The following MKLN1 variants were observed in gnomAD, a reference collection of about 807,000 sequenced individuals.
MKLN1 encodes muskelin.
In MKLN1, 18 loss-of-function variants were observed where a neutral mutation model predicts 99.0. That is an observed-to-expected ratio of 0.18 (90% CI 0.13 to 0.27). The LOEUF (loss-of-function observed/expected upper bound fraction) is 0.27, where lower values mean the gene tolerates loss of function less well. Among genes scored for constraint, MKLN1 ranks in the 10% least tolerant of loss-of-function variants. The pLI is 1.00. For missense variants in MKLN1, 621 were observed against 875.9 expected (o/e 0.71, Z 3.67); for synonymous variants, 288 against 293.2 (o/e 0.98, Z 0.18).
At chr7:131,151,214 G>A (rs761319222) in intron 2 of MKLN1, among the ~76,000 whole-genome samples, 4 of 152,202 alleles carry the variant, frequency 2.6e-5, no homozygotes, top group Non-Finnish European at 4.4e-5. Flanking sequence ...CCTTCCCTCT[G>A]ACTCACTTAG....
intron 3 of MKLN1, among the ~76,000 whole-genome samples, chr7:131,283,338 CCCTTCCCCTCCTTCCTTCCTTCCTTCCTT>C (rs1266371143): frequency 3.8e-4 from 22 of 57,952 alleles, no homozygotes; most frequent in South Asian, 1.1e-3. Flanking sequence ...TCCTTCCCTT[CCCTTCCCCTCCTTCCTTCCTTCCTTCCTT>C]CCTTCCTTCC....
intron 1 of MKLN1, among the ~76,000 whole-genome samples, chr7:131,329,014 C>T (rs964045767): frequency 5.9e-5 from 9 of 152,058 alleles, no homozygotes; most frequent in Non-Finnish European, 1.3e-4. Flanking sequence ...GCTAGTTGTC[C>T]CTCTAACCAT....
At chr7:131,140,808 C>A (rs574752466) in intron 1 of MKLN1, among the ~76,000 whole-genome samples, 3 of 150,924 alleles carry the variant, frequency 2.0e-5, no homozygotes, top group South Asian at 4.2e-4. Context: ...GAGACAGAGT[C>A]TCGCTTTGTC....
intron 3 of MKLN1, among the ~76,000 whole-genome samples, chr7:131,273,494 C>A (rs1041569986): frequency 6.6e-6 from 1 of 152,104 alleles, no homozygotes; most frequent in Non-Finnish European, 1.5e-5. Flanking sequence ...CTGCCAGGTC[C>A]CTTGGCATTT....
intron 1 of MKLN1, among the ~76,000 whole-genome samples, chr7:131,374,454 G>A (rs759569163): frequency 6.6e-6 from 1 of 151,976 alleles, no homozygotes; most frequent in South Asian, 2.1e-4. Flanking sequence ...AGTATCACAG[G>A]GTTCCTTCTG....
chr7:131,348,870 G>C (rs973029735), intron 1 of MKLN1, among the ~76,000 whole-genome samples: 2 of 152,156 alleles, frequency 1.3e-5, no homozygotes, highest in Non-Finnish European at 2.9e-5. Context: ...TCTAATCCCA[G>C]TTCTACCACC....
intron 2 of MKLN1, among the ~76,000 whole-genome samples, chr7:131,179,958 C>T (rs1484983252): frequency 3.9e-5 from 6 of 152,136 alleles, no homozygotes; most frequent in Non-Finnish European, 8.8e-5. Context: ...AGTGGCACAA[C>T]CATAGCTCAC....
At chr7:131,349,880 C>G (rs1381719309) in intron 1 of MKLN1, among the ~76,000 whole-genome samples, 1 of 151,920 alleles carries the variant, frequency 6.6e-6, no homozygotes, top group East Asian at 1.9e-4. Context: ...TTCTTTTTTC[C>G]TAGTGGTCGC....
chr7:131,389,148 G>C (rs1794119922), intron 4 of MKLN1, among the ~76,000 whole-genome samples, 176 bp downstream of exon 4: 2 of 152,094 alleles, frequency 1.3e-5, no homozygotes, highest in South Asian at 4.1e-4. Flanking sequence ...TACAAAAGTA[G>C]ACTTGAGTAG....
At chr7:131,229,546 G>GTGTGT (rs1554540169) in intron 3 of MKLN1, among the ~76,000 whole-genome samples, 14 of 151,632 alleles carry the variant, frequency 9.2e-5, no homozygotes, top group South Asian at 8.4e-4. Context: ...ATGTGTGTGT[G>GTGTGT]TGTTGTTGTT....
At position 131,493,968 on chromosome 7, in the gene MKLN1, A is replaced by G. The variant is rs1208584242; in HGVS notation, c.*6240A>G. ...GAATAAGGAGCCACTCAAAAAGCCA[A>G]TTTTGAGCTTTATTTCTCCGTTGTT... On this transcript the variant is annotated 3_prime_UTR_variant, in exon 18 of 18. Transcript: ENST00000352689. The G allele has an allele frequency of 6.6e-6, 1 of 152,210 alleles. No homozygotes were observed. The highest frequency in any genetic ancestry group is 1.5e-5 in the Non-Finnish European group (1 of 68,036). The allele number at this position is 152,210 out of a possible 1,614,324, so 9.4% of individuals were successfully genotyped here. A position where few individuals can be genotyped will look rare whatever the true frequency, so the allele number is the denominator to read the frequency against.
At chr7:131,345,408 T>C (rs1371702071) in intron 1 of MKLN1, among the ~76,000 whole-genome samples, 2 of 152,242 alleles carry the variant, frequency 1.3e-5, no homozygotes, top group African/African-American at 4.8e-5. Context: ...TTTTGGAACA[T>C]TTCTGATTTT....
Position 131,388,559 on chromosome 7 carries a change from G to A in MKLN1, c.312-325G>A, listed in dbSNP as rs78676032. On this transcript the variant is annotated intron_variant, in intron 3 of 17. Transcript: ENST00000352689. The stretch of plus-strand genomic sequence containing the variant: ...ATTATTTTTGAATTTCATTCTTACC[G>A]TTGAAAATTTTATGTTATATTCAGT... 2.0e-3 allele frequency among the ~76,000 whole-genome samples: 307 copies of A among 152,246 alleles called. 1 individual carries two copies. Among genetic ancestry groups the A allele is most frequent in the African/African-American group, 7.1e-3 (295 of 41,544 alleles).
chr7:131,312,354 C>T (rs1297610196), intron 3 of MKLN1, among the ~76,000 whole-genome samples: 1 of 152,104 alleles, frequency 6.6e-6, no homozygotes, highest in African/African-American at 2.4e-5. Context: ...TTTCTATAAC[C>T]TTTAAAAATT....
rs565648370 is a variant in MKLN1 at position 131,375,609 on chromosome 7, G to A, written c.168+116G>A. The A allele has an allele frequency of 3.2e-3, 2,034 of 641,750 alleles. 68 individuals carry two copies. In the South Asian group the frequency reaches 0.048, roughly 15 times the overall value. The allele number at this position is 641,750 out of a possible 1,614,324, so 39.8% of individuals were successfully genotyped here. A position where few individuals can be genotyped will look rare whatever the true frequency, so the allele number is the denominator to read the frequency against. On this transcript the variant is annotated intron_variant, in intron 2 of 17. Transcript: ENST00000352689. Reference sequence around the variant, plus strand: ...TTTATTCTCTTTTTGAGATTGTGAGGTAAATTTTTATTCTCTCTATTTTTG... The same window carrying A: ...TTTATTCTCTTTTTGAGATTGTGAGATAAATTTTTATTCTCTCTATTTTTG...
intron 1 of MKLN1, among the ~76,000 whole-genome samples, chr7:131,139,427 A>G (rs543624038): frequency 1.3e-5 from 2 of 151,508 alleles, no homozygotes; most frequent in Admixed American, 1.3e-4. Flanking sequence ...AACCTTCAGC[A>G]TTGCTTGCAG....
intron 3 of MKLN1, among the ~76,000 whole-genome samples, chr7:131,248,233 G>C (rs988552833): frequency 6.6e-6 from 1 of 152,050 alleles, no homozygotes; most frequent in Non-Finnish European, 1.5e-5. Context: ...AATATAATCA[G>C]CTACTAATAG....
chr7:131,364,181 A>G (rs1404217345), intron 1 of MKLN1, among the ~76,000 whole-genome samples: 1 of 152,126 alleles, frequency 6.6e-6, no homozygotes, highest in Admixed American at 6.6e-5. Context: ...TGCATTTTGA[A>G]TTATAGTCTT....
intron 2 of MKLN1, among the ~76,000 whole-genome samples, chr7:131,186,528 C>A (rs980861057): frequency 6.6e-6 from 1 of 152,060 alleles, no homozygotes; most frequent in Non-Finnish European, 1.5e-5. Context: ...TAAAACAAAA[C>A]CTCTGCTCTG....
Sources: gnomAD v4.1 joint callset for allele counts (sites outside exome capture counted in the v4.1 genomes callset) on GRCh38, gnomAD v4.1.1 for gene constraint, MANE v1.5 for transcripts, NCBI Gene and HGNC (gene_info 2026-07-23, HGNC 2026-07-21) for gene names.